The following GAS7 variants were observed in gnomAD, a reference collection of about 807,000 sequenced individuals.
The protein encoded by GAS7 is growth arrest-specific protein 7.
In GAS7, 28 loss-of-function variants were observed where a neutral mutation model predicts 71.1. That is an observed-to-expected ratio of 0.39 (90% confidence interval 0.29 to 0.54). The LOEUF (loss-of-function observed/expected upper bound fraction) is 0.54. GAS7 is among the 20% of genes least tolerant of loss of function. The probability of loss-of-function intolerance (pLI) is 0.62; values close to 1 mark genes in which losing one functional copy is unlikely to be tolerated. For missense variants in GAS7, 436 were observed against 627.8 expected (o/e 0.69, Z 3.27); for synonymous variants, 258 against 245.8 (o/e 1.05, Z -0.46).
At position 9,981,996 on chromosome 17, in the gene GAS7, C is replaced by T. The variant is rs2070429230; in HGVS notation, c.305-112G>A. 8.8e-6 allele frequency: 6 copies of T among 679,720 alleles called. No individual in the cohort carries two copies. Among genetic ancestry groups the T allele is most frequent in the South Asian group, 1.7e-5 (1 of 59,468 alleles). The allele number at this position is 679,720 out of a possible 1,614,324, so 42.1% of individuals were successfully genotyped here. A position where few individuals can be genotyped will look rare whatever the true frequency, so the allele number is the denominator to read the frequency against. On this transcript the variant is annotated intron_variant, in intron 2 of 13. Coordinates refer to ENST00000432992, the MANE Select transcript of GAS7 (RefSeq NM_201433.2). The surrounding 1 kb of genome is among the most constrained non-coding windows in gnomAD (Gnocchi z 4.4). The stretch of plus-strand genomic sequence containing the variant: ...CTGGAGAAAAAGAGAGACAGCCAAT[C>T]GCCCTCCTCCCCAACCCTGGCCAGA...
chr17:9,914,709 G>A lies in GAS7; in HGVS notation c.*2519C>T, dbSNP rs1241922485. The A allele has an allele frequency of 4.5e-6, 1 of 221,428 alleles. No individual in the cohort carries two copies. Among genetic ancestry groups the A allele is most frequent in the Non-Finnish European group, 9.0e-6 (1 of 110,614 alleles). 13.7% of individuals were successfully genotyped at this position (221,428 alleles called of 1,614,324 possible). A position where few individuals can be genotyped will look rare whatever the true frequency, so the allele number is the denominator to read the frequency against. On this transcript the variant is annotated 3_prime_UTR_variant, in exon 14 of 14. Coordinates refer to ENST00000432992, the MANE Select transcript of GAS7 (RefSeq NM_201433.2). Reference sequence around the variant, plus strand: ...AAAGAATCCCAGAGGGTTAAGTGTGGAGAGGGTACAATGTTCTTATTATAC... The same window carrying A: ...AAAGAATCCCAGAGGGTTAAGTGTGAAGAGGGTACAATGTTCTTATTATAC...
intron 1 of GAS7, among the ~76,000 whole-genome samples, chr17:10,043,485 A>C (rs1418392430): frequency 6.6e-6 from 1 of 152,250 alleles, no homozygotes; most frequent in Non-Finnish European, 1.5e-5. Flanking sequence ...ACTCCCTCAA[A>C]AGTTAACTAC....
intron 1 of GAS7, among the ~76,000 whole-genome samples, chr17:10,086,268 A>C (rs906573151): frequency 1.3e-5 from 2 of 152,142 alleles, no homozygotes; most frequent in African/African-American, 4.8e-5. Context: ...CCATACCTGG[A>C]ACTGTGTGAC....
intron 1 of GAS7, among the ~76,000 whole-genome samples, chr17:10,153,829 G>T (rs954245475): frequency 1.3e-5 from 2 of 152,154 alleles, no homozygotes; most frequent in Non-Finnish European, 2.9e-5. Flanking sequence ...CATTTTGGGA[G>T]GCCAAGATGG....
rs1420370761 is a variant in GAS7 at position 9,926,407 on chromosome 17, C to T, written c.1014+234G>A. On this transcript the variant is annotated intron_variant, in intron 10 of 13. Transcript: ENST00000432992. The surrounding 1 kb of genome is among the most constrained non-coding windows in gnomAD (Gnocchi z 5.0). ...GCCCACTGCAGCTGCAGCCTCTCCT[C>T]GCACCCCTGGCCCTCTGGGTGGTCA... 6.6e-6 allele frequency among the ~76,000 whole-genome samples: 1 copy of T among 152,196 alleles called. No individual in the cohort carries two copies. Among genetic ancestry groups the T allele is most frequent in the South Asian group, 2.1e-4 (1 of 4,824 alleles).
At chr17:10,007,810 A>G (rs565738013) in intron 2 of GAS7, among the ~76,000 whole-genome samples, 1 of 152,154 alleles carries the variant, frequency 6.6e-6, no homozygotes, top group Non-Finnish European at 1.5e-5. Context: ...GCAGAGTTGT[A>G]TAACCTGCAC....
Position 9,946,921 on chromosome 17 carries a change from G to A in GAS7, c.588C>T (p.Thr196=), listed in dbSNP as rs772183594. 1.2e-5 allele frequency: 19 copies of A among 1,612,472 alleles called. No individual in the cohort carries two copies. In the Admixed American group the frequency reaches 1.3e-4, roughly 11 times the overall value. Residue 196 remains threonine, a synonymous_variant, in exon 6 of 14, where the codon ACC becomes ACT. Coordinates refer to ENST00000432992, the MANE Select transcript of GAS7 (RefSeq NM_201433.2). ...AGAAGTAGTCGCAGTAGCTCCACTC[G>A]GTTGGTTTCAGCAGCTGCTGTTCCG... ...TMPEQQLLKP[T]EWSYCDYFWA...
intron 1 of GAS7, among the ~76,000 whole-genome samples, chr17:10,075,221 C>T (rs1447225420): frequency 4.0e-5 from 6 of 151,526 alleles, no homozygotes; most frequent in African/African-American, 9.7e-5. Flanking sequence ...CCAGGCGTGG[C>T]GGCACACACC....
chr17:9,914,799 C>T lies in GAS7; in HGVS notation c.*2429G>A, dbSNP rs7220380. On this transcript the variant is annotated 3_prime_UTR_variant, in exon 14 of 14. Transcript: ENST00000432992. ...ATGCCCATCTTACATACAACTAGAG[C>T]GCCGCTTCTCAGCATGCCTGGCTTG... is the stretch of plus-strand genomic sequence containing the variant. 71 of 229,182 alleles carry T rather than the reference C, an allele frequency of 3.1e-4. No individual in the cohort carries two copies. The highest frequency in any genetic ancestry group is 1.3e-3 in the African/African-American group (57 of 45,214). 14.2% of individuals were successfully genotyped at this position (229,182 alleles called of 1,614,324 possible).
rs77980806 is a variant in GAS7, at chr17:10,092,058, G to C, written c.184-72161C>G. 2.0e-5 allele frequency among the ~76,000 whole-genome samples: 3 copies of C among 151,914 alleles called. No homozygotes were observed. In the East Asian group the frequency reaches 5.8e-4, roughly 29 times the overall value. The stretch of plus-strand genomic sequence containing the variant: ...TCCCATGTCTATAGTGGCCTAAACA[G>C]TCTCCCCCGTTTCTCCCCCTATTCC... On this transcript the variant is annotated intron_variant, in intron 1 of 13. Transcript: ENST00000432992.
At chr17:9,925,733 G>C in intron 10 of GAS7, 134 bp from the exon 11 acceptor site, 1 of 933,954 alleles carries the variant, frequency 1.1e-6, no homozygotes, top group Middle Eastern at 3.1e-4. Flanking sequence ...GGTCCAGAGA[G>C]GCCCAGCAGC....
chr17:9,980,493 C>T (rs2070372565), intron 3 of GAS7, among the ~76,000 whole-genome samples: 1 of 152,190 alleles, frequency 6.6e-6, no homozygotes, highest in South Asian at 2.1e-4. Context: ...ACCTCCCTTC[C>T]ACAGAAGCTG....
In GAS7 at chr17:10,016,317, G is replaced by A. The variant is rs186682793; in HGVS notation, c.304+3460C>T. Among the ~76,000 whole-genome samples, 204 of 150,306 alleles carry A rather than the reference G, an allele frequency of 1.4e-3. 1 individual carries two copies. The highest frequency in any genetic ancestry group is 4.8e-3 in the African/African-American group (194 of 40,612). On this transcript the variant is annotated intron_variant, in intron 2 of 13. Transcript: ENST00000432992. ...GGAGAATGGCATGAACCCGGGAGGC[G>A]GAGCTTGCAGTGAGCCGAGATCGCG...
intron 5 of GAS7, among the ~76,000 whole-genome samples, chr17:9,947,809 AT>A (rs1166636361): frequency 1.0e-4 from 15 of 146,528 alleles, no homozygotes; most frequent in Middle Eastern, 3.4e-3. Context: ...GTGCCAGGAT[AT>A]ATGGTTAGGT....
Position 10,005,065 on chromosome 17 carries a change from G to A in GAS7, c.304+14712C>T, listed in dbSNP as rs555777372. 2.7e-3 allele frequency among the ~76,000 whole-genome samples: 367 copies of A among 135,636 alleles called. 4 individuals carry two copies. Among genetic ancestry groups the A allele is most frequent in the East Asian group, 0.011 (42 of 3,882 alleles). The allele number at this position is 135,636 out of a possible 152,430, so 89.0% of individuals were successfully genotyped here. A position where few individuals can be genotyped will look rare whatever the true frequency, so the allele number is the denominator to read the frequency against. ...TACATATATATACACATATATGTGTGTATGCACGCATACATGCGTGTGTGC... is the reference window on the plus strand; with the variant it reads ...TACATATATATACACATATATGTGTATATGCACGCATACATGCGTGTGTGC... On this transcript the variant is annotated intron_variant, in intron 2 of 13. Coordinates refer to ENST00000432992, the MANE Select transcript of GAS7 (RefSeq NM_201433.2).
chr17:10,006,316 C>CTTTTTTTTTT (rs1168698479), intron 2 of GAS7, among the ~76,000 whole-genome samples: 8 of 65,570 alleles, frequency 1.2e-4, no homozygotes, highest in Admixed American at 2.1e-4. Flanking sequence ...GCCCCAGATT[C>CTTTTTTTTTT]TTTTTTTTTT....
chr17:10,113,483 A>G (rs2073832923), intron 1 of GAS7, among the ~76,000 whole-genome samples: 1 of 152,188 alleles, frequency 6.6e-6, no homozygotes, highest in South Asian at 2.1e-4. Context: ...AAACAGGAGG[A>G]GGAAGCTCTT....
chr17:9,980,275 G>A (rs75162211), intron 3 of GAS7, among the ~76,000 whole-genome samples: 9,855 of 152,082 alleles, frequency 0.065, 344 homozygotes, highest in African/African-American at 0.094. Flanking sequence ...CATGTCTTCA[G>A]GTCTCAATGC....
rs71365713 is a variant in GAS7 at position 10,070,341 on chromosome 17, CTTTTTTT to C, written c.184-50451_184-50445del. On this transcript the variant is annotated intron_variant, in intron 1 of 13. Coordinates refer to ENST00000432992, the MANE Select transcript of GAS7 (RefSeq NM_201433.2). ...CAGCTCTCCCTTCGTTCTCTCTCTT[CTTTTTTT>C]TTTTTTTTTTTTTTTTTTAATTTTT... 2.2e-3 allele frequency among the ~76,000 whole-genome samples: 236 copies of C among 106,132 alleles called. 1 individual carries two copies. Among genetic ancestry groups the C allele is most frequent in the African/African-American group, 2.5e-3 (71 of 28,292 alleles). 69.6% of individuals were successfully genotyped at this position (106,132 alleles called of 152,430 possible). A position where few individuals can be genotyped will look rare whatever the true frequency, so the allele number is the denominator to read the frequency against.
Sources: gnomAD v4.1 joint callset for allele counts (sites outside exome capture counted in the v4.1 genomes callset) on GRCh38, gnomAD v4.1.1 for gene constraint, Gnocchi (gnomAD v3.1) non-coding constraint, MANE v1.5 for transcripts, NCBI Gene and HGNC (gene_info 2026-07-23, HGNC 2026-07-21) for gene names.